DCX: variants seen among roughly 807,000 people sequenced by gnomAD.
DCX encodes the protein neuronal migration protein doublecortin.
In DCX, 4 loss-of-function variants were observed where a neutral mutation model predicts 20.9. The ratio of observed to expected loss-of-function variants is 0.19; its 90% confidence interval spans 0.09 to 0.44. DCX has a LOEUF of 0.44. DCX is among the 20% of genes least tolerant of loss of function. DCX has a pLI of 0.99. For missense variants in DCX, 133 were observed against 296.9 expected (o/e 0.45, Z 4.06); for synonymous variants, 103 against 111.4 (o/e 0.92, Z 0.47).
intron 5 of DCX, among the ~76,000 whole-genome samples, chrX:111,315,823 G>A (rs1176856390): frequency 1.8e-4 from 3 of 17,116 alleles, no homozygotes; most frequent in East Asian, 1.6e-3. Context: ...GTAAACTATC[G>A]CAAGAACAAA....
At chrX:111,384,789 G>C (rs1490948710) in intron 3 of DCX, among the ~76,000 whole-genome samples, 1 of 112,431 alleles carries the variant, frequency 8.9e-6, no homozygotes, top group Non-Finnish European at 1.9e-5. Flanking sequence ...ACAGGAAGCA[G>C]CTTAAGATTG....
At chrX:111,330,621 A>C (rs1000068584) in intron 5 of DCX, among the ~76,000 whole-genome samples, 4 of 111,673 alleles carry the variant, frequency 3.6e-5, no homozygotes, top group Non-Finnish European at 3.8e-5. Context: ...TTTTTGCCAC[A>C]TGATGTTGAA....
intron 3 of DCX, among the ~76,000 whole-genome samples, chrX:111,386,242 T>A: frequency 9.0e-6 from 1 of 111,250 alleles, no homozygotes; most frequent in South Asian, 3.9e-4. Context: ...CTCAGCAAGG[T>A]CCCTGTGGAG....
rs1012587069 is a variant in DCX at position 111,301,426 on chromosome X, C to T, written c.*261G>A. 4 of 414,578 alleles carry T rather than the reference C, an allele frequency of 9.6e-6. No individual in the cohort carries two copies. Among genetic ancestry groups the T allele is most frequent in the Non-Finnish European group, 1.7e-5 (4 of 235,199 alleles). The allele number at this position is 414,578 out of a possible 1,213,427, so 34.2% of individuals were successfully genotyped here. ...TTTCCATTGAAAGGTCATGGACTAG[C>T]ACATTTTGCATCCCTGGAATGCTGC... On this transcript the variant is annotated 3_prime_UTR_variant, in exon 7 of 7. Transcript: ENST00000636035.
chrX:111,333,404 A>G (rs1302577416), intron 3 of DCX, among the ~76,000 whole-genome samples: 4 of 111,438 alleles, frequency 3.6e-5, no homozygotes, highest in African/African-American at 1.3e-4. Flanking sequence ...TAAGACTGAG[A>G]CCATGTCCAA....
chrX:111,329,823 C>T (rs1484379104), intron 5 of DCX, among the ~76,000 whole-genome samples: 1 of 112,212 alleles, frequency 8.9e-6, no homozygotes, highest in African/African-American at 3.2e-5. Context: ...TCATAGCCAT[C>T]AGGCTACTCA....
chrX:111,384,166 T>C (rs765830646), intron 3 of DCX, among the ~76,000 whole-genome samples: 10 of 111,671 alleles, frequency 9.0e-5, no homozygotes, highest in Non-Finnish European at 1.5e-4. Context: ...TATACCTTTA[T>C]CTATAGAAAT....
chrX:111,337,798 G>A (rs1435533786), intron 3 of DCX, among the ~76,000 whole-genome samples: 1 of 112,105 alleles, frequency 8.9e-6, no homozygotes, highest in Non-Finnish European at 1.9e-5. Context: ...GATACATTAA[G>A]CACTTACTAG....
Position 111,294,945 on chromosome X carries a change from A to G in DCX, c.*6742T>C, listed in dbSNP as rs1286233564. 1.1e-4 allele frequency: 12 copies of G among 112,455 alleles called. No homozygotes were observed. Among genetic ancestry groups the G allele is most frequent in the Admixed American group, 1.0e-3 (11 of 10,576 alleles). 9.3% of individuals were successfully genotyped at this position (112,455 alleles called of 1,213,427 possible). Reference sequence around the variant, plus strand: ...AAACTTTCTCCCTTTGAAAATGGCCATAAAAACATTTTCTGTACAAGTTTA... The same window carrying G: ...AAACTTTCTCCCTTTGAAAATGGCCGTAAAAACATTTTCTGTACAAGTTTA... On this transcript the variant is annotated 3_prime_UTR_variant, in exon 7 of 7. Coordinates refer to ENST00000636035, the MANE Select transcript of DCX (RefSeq NM_001195553.2).
intron 5 of DCX, among the ~76,000 whole-genome samples, chrX:111,321,683 A>T (rs1255114462): frequency 9.0e-6 from 1 of 111,215 alleles, no homozygotes; most frequent in African/African-American, 3.3e-5. Flanking sequence ...GGCAGAGTGG[A>T]TGCTAAACTC....
intron 3 of DCX, among the ~76,000 whole-genome samples, chrX:111,367,566 C>T (rs1251012038): frequency 4.5e-5 from 5 of 111,676 alleles, no homozygotes; most frequent in Non-Finnish European, 9.4e-5. Flanking sequence ...CTGTAAAATG[C>T]GTATTTAATA....
intron 6 of DCX, 28 bp downstream of exon 6, chrX:111,312,611 G>A (rs774929687): frequency 8.4e-7 from 1 of 1,191,236 alleles, no homozygotes; most frequent in Non-Finnish European, 1.1e-6. Context: ...TGAGTGCAAA[G>A]AGGTTTAGTA....
chrX:111,399,442 T>C (rs1402090441), intron 3 of DCX, among the ~76,000 whole-genome samples: 1 of 111,938 alleles, frequency 8.9e-6, no homozygotes, highest in Non-Finnish European at 1.9e-5. Context: ...TGCATATTCC[T>C]ATATTACTTC....
At chrX:111,350,714 T>C (rs1191776926) in intron 3 of DCX, among the ~76,000 whole-genome samples, 1 of 112,142 alleles carries the variant, frequency 8.9e-6, no homozygotes, top group East Asian at 2.8e-4. Context: ...GAGGGAAAAT[T>C]ATATACACTT....
At chrX:111,334,837 C>T (rs891749875) in intron 3 of DCX, among the ~76,000 whole-genome samples, 8 of 111,783 alleles carry the variant, frequency 7.2e-5, no homozygotes, top group Non-Finnish European at 1.3e-4. Context: ...GTCATGAGTA[C>T]TAGGATGGGA....
chrX:111,318,968 C>T (rs1379005838), intron 5 of DCX, among the ~76,000 whole-genome samples: 1 of 111,750 alleles, frequency 8.9e-6, no homozygotes, highest in Admixed American at 9.5e-5. Context: ...AAAAATGCAC[C>T]AGCAGGGACA....
chrX:111,314,721 C>T (rs1408904942), intron 5 of DCX, among the ~76,000 whole-genome samples: 1 of 110,815 alleles, frequency 9.0e-6, no homozygotes, highest in Non-Finnish European at 1.9e-5. Context: ...CTCAATAAGC[C>T]CTTAAAAAAA....
chrX:111,368,949 G>T (rs1924855615), intron 3 of DCX, among the ~76,000 whole-genome samples: 1 of 104,924 alleles, frequency 9.5e-6, no homozygotes, highest in African/African-American at 3.7e-5. Flanking sequence ...AGTTTATTAA[G>T]TATTAACTCA....
intron 6 of DCX, among the ~76,000 whole-genome samples, chrX:111,308,415 C>A (rs1404969934): frequency 9.0e-6 from 1 of 111,267 alleles, no homozygotes; most frequent in African/African-American, 3.3e-5. Context: ...TTGTTTCTTG[C>A]TAATTTTTTT....
Sources: gnomAD v4.1 joint callset for allele counts (sites outside exome capture counted in the v4.1 genomes callset) on GRCh38, gnomAD v4.1.1 for gene constraint, MANE v1.5 for transcripts, NCBI Gene and HGNC (gene_info 2026-07-23, HGNC 2026-07-21) for gene names.